The following FKTN variants were observed in gnomAD, a reference collection of about 807,000 sequenced individuals.
The protein encoded by FKTN is ribitol-5-phosphate transferase FKTN.
FKTN carries 47 observed loss-of-function variants against 58.6 expected under a neutral mutation model. The observed-to-expected ratio is 0.80, with a 90% CI of 0.63 to 1.02. The LOEUF is 1.02. Ranked by LOEUF, FKTN falls within the 50% of genes least tolerant of loss-of-function variation. FKTN has a pLI of 0.00. For missense variants in FKTN, 516 were observed against 537.3 expected, an observed-to-expected ratio of 0.96 and a Z score of 0.39; for synonymous variants, 178 against 191.9, an observed-to-expected ratio of 0.93 and a Z score of 0.60.
intron 10 of FKTN, among the ~76,000 whole-genome samples, chr9:105,629,103 T>G (rs1213862172): frequency 6.6e-6 from 1 of 152,176 alleles, no homozygotes; most frequent in Admixed American, 6.5e-5. Flanking sequence ...CTGGGCACAG[T>G]AACCCATCAG....
rs116826053 is a variant in FKTN, at chr9:105,600,817, T to A, written c.166-328T>A. On this transcript the variant is annotated intron_variant, in intron 4 of 10. Transcript: ENST00000357998. ...TTAAGCACCACATTTTCATGTCAGATACCACTTCCTCTGTGAAATTTCTTA... is the reference window on the plus strand; with the variant it reads ...TTAAGCACCACATTTTCATGTCAGAAACCACTTCCTCTGTGAAATTTCTTA... The A allele has an allele frequency of 5.5e-3, 1,036 of 189,100 alleles. 20 individuals carry two copies. The highest frequency in any genetic ancestry group is 0.023 in the African/African-American group (979 of 42,444). The allele number at this position is 189,100 out of a possible 1,614,324, so 11.7% of individuals were successfully genotyped here. A position where few individuals can be genotyped will look rare whatever the true frequency, so the allele number is the denominator to read the frequency against.
intron 8 of FKTN, among the ~76,000 whole-genome samples, chr9:105,616,231 AAATTAGCATTTTATTATTTC>A (rs1830776782): frequency 6.6e-6 from 1 of 152,228 alleles, no homozygotes; most frequent in Non-Finnish European, 1.5e-5. Context: ...GATAATCCTT[AAATTAGCATTTTATTATTTC>A]TATCCCAAAG....
intron 3 of FKTN, among the ~76,000 whole-genome samples, chr9:105,592,830 A>G (rs947526351): frequency 6.6e-6 from 1 of 152,164 alleles, no homozygotes; most frequent in African/African-American, 2.4e-5. Flanking sequence ...CCTGGGCTTC[A>G]TTGTCCATAT....
rs1387949005 is a variant in FKTN, at chr9:105,635,941, G to A, written c.*677G>A. ...TGTACTGTTTTCATATGTGAAGTGA[G>A]AAGAAACTTTATGCTTGTTTAATGC... is the stretch of plus-strand genomic sequence containing the variant. On this transcript the variant is annotated 3_prime_UTR_variant, in exon 11 of 11. Coordinates refer to ENST00000357998, the MANE Select transcript of FKTN (RefSeq NM_001079802.2). 3.0e-6 allele frequency: 3 copies of A among 985,940 alleles called. No individual in the cohort carries two copies. Among genetic ancestry groups the A allele is most frequent in the Non-Finnish European group, 3.6e-6 (3 of 830,408 alleles). The allele number at this position is 985,940 out of a possible 1,614,324, so 61.1% of individuals were successfully genotyped here.
intron 10 of FKTN, among the ~76,000 whole-genome samples, chr9:105,630,203 AAAAAAAG>A (rs1411893306): frequency 1.3e-5 from 2 of 151,786 alleles, no homozygotes; most frequent in African/African-American, 4.8e-5. Context: ...AGTATAATTA[AAAAAAAG>A]AAAAAAGAAA....
rs557001749 is a variant in FKTN, at chr9:105,585,140, A to G, written c.105+10003A>G. Among the ~76,000 whole-genome samples, 13 of 152,324 alleles carry G rather than the reference A, an allele frequency of 8.5e-5. 1 individual carries two copies. The South Asian group carries it at 1.9e-3, about 22-fold the overall frequency. On this transcript the variant is annotated intron_variant, in intron 3 of 10. Transcript: ENST00000357998. ...AGGAAAAAAAAATGCTTTATTTAAA[A>G]ATAGTAAGGAGACCAGGTGCCTGCC...
intron 10 of FKTN, among the ~76,000 whole-genome samples, chr9:105,625,224 C>T (rs780194203): frequency 1.4e-4 from 21 of 152,026 alleles, no homozygotes; most frequent in African/African-American, 2.9e-4. Flanking sequence ...AGGAAAAAAA[C>T]GTGTAAAGAG....
chr9:105,640,290 C>G lies in FKTN; in HGVS notation c.*5026C>G. 1 of 863,160 alleles carries G rather than the reference C, an allele frequency of 1.2e-6. No individual in the cohort carries two copies. Among genetic ancestry groups the G allele is most frequent in the South Asian group, 2.2e-5 (1 of 44,540 alleles). The allele number at this position is 863,160 out of a possible 1,614,324, so 53.5% of individuals were successfully genotyped here. Reference sequence around the variant, plus strand: ...CTTCTTTTGGGTGCAGTGGCTCACACCTGTAATACCAGCAGTTTGAGAAGC... The same window carrying G: ...CTTCTTTTGGGTGCAGTGGCTCACAGCTGTAATACCAGCAGTTTGAGAAGC... On this transcript the variant is annotated 3_prime_UTR_variant, in exon 11 of 11. Coordinates refer to ENST00000357998, the MANE Select transcript of FKTN (RefSeq NM_001079802.2).
At position 105,636,931 on chromosome 9, in the gene FKTN, A is replaced by G. The variant is rs140818736; in HGVS notation, c.*1667A>G. ...TCTTCTGTCCTAATTTGCATTCTCA[A>G]TGCAGAATTATTGGGTCTTTCATAA... On this transcript the variant is annotated 3_prime_UTR_variant, in exon 11 of 11. Coordinates refer to ENST00000357998, the MANE Select transcript of FKTN (RefSeq NM_001079802.2). 2.6e-4 allele frequency: 277 copies of G among 1,060,074 alleles called. 1 individual carries two copies. In the African/African-American group the frequency reaches 3.6e-3, roughly 14 times the overall value. 65.7% of individuals were successfully genotyped at this position (1,060,074 alleles called of 1,614,324 possible). A position where few individuals can be genotyped will look rare whatever the true frequency, so the allele number is the denominator to read the frequency against.
chr9:105,627,625 A>G (rs116490414), intron 10 of FKTN, among the ~76,000 whole-genome samples: 2,085 of 152,304 alleles, frequency 0.014, 62 homozygotes, highest in African/African-American at 0.048. Context: ...ATACTAGATT[A>G]TCATACATCA....
Position 105,598,099 on chromosome 9 carries a change from G to T in FKTN, c.165+1442G>T, listed in dbSNP as rs1053460274. On this transcript the variant is annotated intron_variant, in intron 4 of 10. Coordinates refer to ENST00000357998, the MANE Select transcript of FKTN (RefSeq NM_001079802.2). ...TTTTCATTCAAGAAATGATCCTTGA[G>T]GTGGGAGAAAATAATGGATTTTTTT... The T allele has an allele frequency of 3.0e-5, 14 of 467,630 alleles. No homozygotes were observed. In the Admixed American group the frequency reaches 3.3e-4, roughly 11 times the overall value. 29.0% of individuals were successfully genotyped at this position (467,630 alleles called of 1,614,324 possible). A position where few individuals can be genotyped will look rare whatever the true frequency, so the allele number is the denominator to read the frequency against.
In FKTN at chr9:105,623,442, A is replaced by C. The variant is rs184117012; in HGVS notation, c.1172+3381A>C. ...TTCTTACTAAGTTAGTGTCACCATG[A>C]TCTCTATCATGTTGTTAATACCCCT... On this transcript the variant is annotated intron_variant, in intron 10 of 10. Transcript: ENST00000357998. 6.0e-3 allele frequency among the ~76,000 whole-genome samples: 919 copies of C among 152,264 alleles called. 29 individuals carry two copies. The highest frequency in any genetic ancestry group is 0.055 in the Admixed American group (833 of 15,284).
chr9:105,585,944 A>G (rs1843819214), intron 3 of FKTN, among the ~76,000 whole-genome samples: 2 of 152,238 alleles, frequency 1.3e-5, no homozygotes, highest in Non-Finnish European at 2.9e-5. Context: ...TGTTAGAGAT[A>G]GGGATGAAAA....
In FKTN at chr9:105,615,426, T is replaced by G. The variant is rs771773538; in HGVS notation, c.910+19T>G. On this transcript the variant is annotated intron_variant, in intron 8 of 10. Coordinates refer to ENST00000357998, the MANE Select transcript of FKTN (RefSeq NM_001079802.2). ...TGTCTAGGTAAAATTCTTACGACTT[T>G]CCATTTGTCTTTCTGTCATTTTGTC... 1.2e-6 allele frequency: 2 copies of G among 1,613,110 alleles called. No homozygotes were observed. Among genetic ancestry groups the G allele is most frequent in the Non-Finnish European group, 1.7e-6 (2 of 1,179,028 alleles).
At chr9:105,582,444 C>A (rs1843170905) in intron 3 of FKTN, among the ~76,000 whole-genome samples, 1 of 152,170 alleles carries the variant, frequency 6.6e-6, no homozygotes, top group African/African-American at 2.4e-5. Flanking sequence ...AGTTCTGTCA[C>A]CTCAGGCTCC....
intron 5 of FKTN, among the ~76,000 whole-genome samples, chr9:105,603,511 T>C (rs1828278395): frequency 6.6e-6 from 1 of 152,222 alleles, no homozygotes. Flanking sequence ...TTTTTTGAAG[T>C]ACTTTTGAAG....
At chr9:105,632,684 G>T (rs971684679) in intron 10 of FKTN, among the ~76,000 whole-genome samples, 6 of 152,024 alleles carry the variant, frequency 3.9e-5, no homozygotes, top group Non-Finnish European at 8.8e-5. Context: ...GAAAAAAATG[G>T]TCTATTCCAA....
At chr9:105,591,682 G>A (rs1013026381) in intron 3 of FKTN, among the ~76,000 whole-genome samples, 1 of 152,132 alleles carries the variant, frequency 6.6e-6, no homozygotes, top group Non-Finnish European at 1.5e-5. Flanking sequence ...GGGTCTGGAG[G>A]ACTGTGGCCC....
At chr9:105,626,280 C>T (rs1321456421) in intron 10 of FKTN, among the ~76,000 whole-genome samples, 2 of 152,098 alleles carry the variant, frequency 1.3e-5, no homozygotes, top group Non-Finnish European at 2.9e-5. Context: ...AACTGGGTGG[C>T]TCATAAACAG....
Sources: allele counts gnomAD v4.1 joint callset (sites outside exome capture counted in the v4.1 genomes callset), GRCh38; gene constraint gnomAD v4.1.1; transcripts MANE v1.5; gene names NCBI Gene and HGNC (gene_info 2026-07-23, HGNC 2026-07-21).